The following CECR2 variants were observed in gnomAD, a reference collection of about 807,000 sequenced individuals.
CECR2 encodes chromatin remodeling regulator CECR2.
Under a neutral mutation model 154.5 loss-of-function variants are expected in CECR2, and 30 were observed. The ratio of observed to expected loss-of-function variants is 0.19; its 90% CI spans 0.15 to 0.26. CECR2 has a LOEUF of 0.26. CECR2 is among the 10% of genes least tolerant of loss of function. CECR2 has a pLI of 1.00. For synonymous variants in CECR2, 725 were observed against 683.7 expected, an observed-to-expected ratio of 1.06 and a Z score of -0.94; for missense variants, 1,743 against 1,829.3, an observed-to-expected ratio of 0.95 and a Z score of 0.86.
At chr22:17,530,166 G>T (rs2056331089) in intron 9 of CECR2, among the ~76,000 whole-genome samples, 1 of 144,038 alleles carries the variant, frequency 6.9e-6, no homozygotes, top group East Asian at 2.0e-4. Flanking sequence ...GGAGTTCCCT[G>T]AATTTTTTTT....
At chr22:17,411,954 G>T (rs1257857229) in intron 1 of CECR2, among the ~76,000 whole-genome samples, 1 of 152,134 alleles carries the variant, frequency 6.6e-6, no homozygotes, top group African/African-American at 2.4e-5. Context: ...CTTATGCCCT[G>T]TTGTCGGACG....
rs749554940 is a variant in CECR2, at chr22:17,542,234, A to T, written c.2091A>T (p.Thr697=). 1.2e-6 allele frequency: 2 copies of T among 1,611,524 alleles called. No homozygotes were observed. Among genetic ancestry groups the T allele is most frequent in the East Asian group, 2.2e-5 (1 of 44,808 alleles). Residue 697 remains threonine (T), a synonymous_variant, in exon 16 of 19, where the codon ACA becomes ACT. Transcript: ENST00000262608. ...AGAAGCAAATGTGCGGGGGGCTGAC[A>T]CACCTTTCTAACATGGGCCCACACC... is the stretch of plus-strand genomic sequence containing the variant. ...PEEKQMCGGL[T]HLSNMGPHPG...
chr22:17,377,075 C>T (rs900726386), intron 1 of CECR2, among the ~76,000 whole-genome samples: 5 of 152,130 alleles, frequency 3.3e-5, no homozygotes, highest in Non-Finnish European at 7.4e-5. Context: ...GTTCCTATGT[C>T]TAAAGTTCTG....
chr22:17,443,036 C>T (rs538559460), intron 1 of CECR2, among the ~76,000 whole-genome samples: 1 of 152,188 alleles, frequency 6.6e-6, no homozygotes, highest in African/African-American at 2.4e-5. Flanking sequence ...TTTCATCAGG[C>T]TCCATTTACT....
chr22:17,527,867 C>A lies in CECR2; in HGVS notation c.1108+3596C>A, dbSNP rs116523025. On this transcript the variant is annotated intron_variant, in intron 9 of 18. Coordinates refer to ENST00000262608, the MANE Select transcript of CECR2 (RefSeq NM_001290047.2). Reference sequence around the variant, plus strand: ...ATCCAAAACTATTATGAGATATCATCTTACACAGTTAAAATGGTTTATACC... The same window carrying A: ...ATCCAAAACTATTATGAGATATCATATTACACAGTTAAAATGGTTTATACC... Among the ~76,000 whole-genome samples the A allele has an allele frequency of 4.6e-3, 702 of 151,860 alleles. 2 individuals are homozygous for A. Among genetic ancestry groups the A allele is most frequent in the African/African-American group, 0.015 (641 of 41,462 alleles).
chr22:17,465,257 A>C (rs1415311922), intron 1 of CECR2, among the ~76,000 whole-genome samples: 1 of 152,094 alleles, frequency 6.6e-6, no homozygotes, highest in Non-Finnish European at 1.5e-5. Context: ...CGGCCTCCCA[A>C]AGTGCCGGGA....
intron 9 of CECR2, among the ~76,000 whole-genome samples, chr22:17,535,130 G>A (rs774032499): frequency 6.8e-4 from 103 of 151,156 alleles, no homozygotes; most frequent in Non-Finnish European, 1.3e-3. Context: ...CAGCCTGAGC[G>A]ACAGAGTGAG....
chr22:17,474,473 T>C (rs143079209), intron 1 of CECR2, among the ~76,000 whole-genome samples: 31 of 152,308 alleles, frequency 2.0e-4, no homozygotes, highest in Middle Eastern at 3.4e-3. Context: ...TCGATTCTCC[T>C]TGGAAGAGCT....
intron 1 of CECR2, among the ~76,000 whole-genome samples, chr22:17,382,724 G>A (rs187519544): frequency 6.6e-6 from 1 of 151,742 alleles, no homozygotes; most frequent in East Asian, 2.0e-4. Flanking sequence ...GGCCAACATG[G>A]TGAAACGCTT....
chr22:17,520,605 T>C (rs1266400404), intron 8 of CECR2, among the ~76,000 whole-genome samples: 1 of 150,844 alleles, frequency 6.6e-6, no homozygotes, highest in Non-Finnish European at 1.5e-5. Flanking sequence ...CCCCGGTGTG[T>C]GATGTTCCCC....
chr22:17,402,014 C>T (rs561804774), intron 1 of CECR2, among the ~76,000 whole-genome samples: 1 of 152,220 alleles, frequency 6.6e-6, no homozygotes, highest in East Asian at 1.9e-4. Context: ...GACAGAGTCT[C>T]GCTCTTTTGC....
At chr22:17,402,991 C>T (rs113550309) in intron 1 of CECR2, among the ~76,000 whole-genome samples, 13 of 152,246 alleles carry the variant, frequency 8.5e-5, no homozygotes, top group African/African-American at 2.2e-4. Flanking sequence ...TGACCTCAGG[C>T]GATCCACCCG....
intron 1 of CECR2, among the ~76,000 whole-genome samples, chr22:17,394,167 G>C (rs905012076): frequency 6.8e-6 from 1 of 147,172 alleles, no homozygotes; most frequent in South Asian, 2.1e-4. Context: ...GATTACAGGC[G>C]TGAGCCACCG....
chr22:17,545,331 C>T (rs146250484), intron 16 of CECR2, among the ~76,000 whole-genome samples: 5,952 of 137,114 alleles, frequency 0.043, 249 homozygotes, highest in African/African-American at 0.12. Flanking sequence ...GCCGAGATCA[C>T]GCCACTGCAC....
In CECR2 at chr22:17,542,358, G is replaced by C; in HGVS notation, c.2215G>C (p.Gly739Arg). 1 of 1,613,722 alleles carries C rather than the reference G, an allele frequency of 6.2e-7. No individual in the cohort carries two copies. The highest frequency in any genetic ancestry group is 8.5e-7 in the Non-Finnish European group (1 of 1,179,772). The change falls in exon 16 of 19, where the codon GGG becomes CGG. Residue 739 changes from glycine (G) to arginine (R), a missense_variant. By Grantham distance (125) the Gly-to-Arg change is moderately radical. Transcript: ENST00000262608. ...GCCAGGATTCATTCCTCCCCGGCATGGGGGGGCTCCAGCCCGGCCACCAGA... is the reference window on the plus strand; with the variant it reads ...GCCAGGATTCATTCCTCCCCGGCATCGGGGGGCTCCAGCCCGGCCACCAGA... ...FQPGFIPPRH[G>R]GAPARPPDFP...
chr22:17,433,849 G>A (rs12160910), intron 1 of CECR2, among the ~76,000 whole-genome samples: 12,141 of 152,158 alleles, frequency 0.08, 1,039 homozygotes, highest in African/African-American at 0.22. Context: ...AGGTGATGAA[G>A]AAAGCTTAGC....
rs907723551 is a variant in CECR2 at position 17,468,651 on chromosome 22, C to T, written c.127-8937C>T. ...TCATACCACTGCATTTCAGCCTGAG[C>T]GACAGAGCAAGAACCCTGTCTCTCC... On this transcript the variant is annotated intron_variant, in intron 1 of 18. Coordinates refer to ENST00000262608, the MANE Select transcript of CECR2 (RefSeq NM_001290047.2). Among the ~76,000 whole-genome samples, 9 of 152,068 alleles carry T rather than the reference C, an allele frequency of 5.9e-5. No individual in the cohort carries two copies. The South Asian group carries it at 6.2e-4, about 11-fold the overall frequency.
intron 1 of CECR2, chr22:17,419,778 A>G: frequency 3.4e-6 from 1 of 295,094 alleles, no homozygotes; most frequent in Non-Finnish European, 6.6e-6. Context: ...TGGGGATAAC[A>G]GAGAGGCATT....
At chr22:17,367,174 A>T (rs1029784723), upstream of CECR2, among the ~76,000 whole-genome samples, 1 of 152,062 alleles carries the variant, frequency 6.6e-6, no homozygotes, top group Non-Finnish European at 1.5e-5. Flanking sequence ...TCAGCCTTTA[A>T]ATTGGGGCTG....
Sources: gnomAD v4.1 joint callset for allele counts (sites outside exome capture counted in the v4.1 genomes callset) on GRCh38, gnomAD v4.1.1 for gene constraint, MANE v1.5 for transcripts, NCBI Gene and HGNC (gene_info 2026-07-23, HGNC 2026-07-21) for gene names.